MMP16: variants seen among roughly 807,000 people sequenced by gnomAD.
MMP16 encodes the protein matrix metalloproteinase-16.
MMP16 carries 12 observed loss-of-function variants against 67.8 expected under a neutral mutation model. That is an observed-to-expected ratio of 0.18 (90% CI 0.11 to 0.29). The LOEUF (loss-of-function observed/expected upper bound fraction) is 0.29. MMP16 is among the 10% of genes least tolerant of loss of function. MMP16 has a pLI of 1.00. For synonymous variants in MMP16, 249 were observed against 255.9 expected, an observed-to-expected ratio of 0.97 and a Z score of 0.26; for missense variants, 475 against 765.7, an observed-to-expected ratio of 0.62 and a Z score of 4.48.
At chr8:88,088,141 A>G (rs559616016) in intron 6 of MMP16, among the ~76,000 whole-genome samples, 3 of 149,692 alleles carry the variant, frequency 2.0e-5, no homozygotes, top group Non-Finnish European at 4.4e-5. Context: ...GCGATCATGT[A>G]CTAGACCCCA....
intron 6 of MMP16, among the ~76,000 whole-genome samples, chr8:88,095,373 A>T (rs936179136): frequency 6.6e-6 from 1 of 151,634 alleles, no homozygotes; most frequent in Non-Finnish European, 1.5e-5. Flanking sequence ...TTTGACTCCG[A>T]TCTCTGACTT....
At chr8:88,292,892 G>A (rs1810948932) in intron 1 of MMP16, among the ~76,000 whole-genome samples, 1 of 152,072 alleles carries the variant, frequency 6.6e-6, no homozygotes, top group Non-Finnish European at 1.5e-5. Context: ...AGTGACAATA[G>A]TTTCAATGCC....
intron 6 of MMP16, among the ~76,000 whole-genome samples, chr8:88,109,391 C>T (rs1043483640): frequency 2.6e-5 from 4 of 150,976 alleles, no homozygotes; most frequent in Non-Finnish European, 5.9e-5. Flanking sequence ...CTTGTAAGAC[C>T]GTCTTGTGAA....
intron 1 of MMP16, among the ~76,000 whole-genome samples, chr8:88,256,520 T>G (rs1810302672): frequency 2.0e-5 from 3 of 152,138 alleles, no homozygotes; most frequent in African/African-American, 2.4e-5. Flanking sequence ...GCCCAAGACA[T>G]TCAGAATTCA....
rs536268875 is a variant in MMP16, at chr8:88,052,745, G to A, written c.1373+3383C>T. ...AATCCAACTTCTTTCCTACATTATTGCCTTTGCATGACTATAGCATCCACC... is the reference window on the plus strand; with the variant it reads ...AATCCAACTTCTTTCCTACATTATTACCTTTGCATGACTATAGCATCCACC... On this transcript the variant is annotated intron_variant, in intron 8 of 9. Transcript: ENST00000286614. Among the ~76,000 whole-genome samples the A allele has an allele frequency of 4.6e-5, 7 of 152,212 alleles. No individual in the cohort carries two copies. The East Asian group carries it at 1.4e-3, about 29-fold the overall frequency.
intron 4 of MMP16, among the ~76,000 whole-genome samples, chr8:88,162,428 C>G (rs1808642747): frequency 6.6e-6 from 1 of 152,008 alleles, no homozygotes; most frequent in East Asian, 1.9e-4. Context: ...GTTTTAAAAC[C>G]TGATAAGAAA....
In MMP16 at chr8:88,037,321, A is replaced by G. The variant is rs540377584; in HGVS notation, c.*4140T>C. ...TGAAATGGCCAAATTATGTGTTAACAAAAAAAGATTATAGGTAATTATTAA... is the reference window on the plus strand; with the variant it reads ...TGAAATGGCCAAATTATGTGTTAACGAAAAAAGATTATAGGTAATTATTAA... On this transcript the variant is annotated 3_prime_UTR_variant, in exon 10 of 10. Transcript: ENST00000286614. 2 of 151,798 alleles carry G rather than the reference A, an allele frequency of 1.3e-5. No individual in the cohort carries two copies. The highest frequency in any genetic ancestry group is 2.9e-5 in the Non-Finnish European group (2 of 67,798). The allele number at this position is 151,798 out of a possible 1,614,324, so 9.4% of individuals were successfully genotyped here.
intron 4 of MMP16, among the ~76,000 whole-genome samples, chr8:88,125,294 T>C (rs1001702355): frequency 5.3e-5 from 8 of 151,856 alleles, no homozygotes; most frequent in Non-Finnish European, 8.8e-5. Flanking sequence ...TTTCAAAATA[T>C]TTATTCAGCA....
chr8:88,317,999 T>C lies in MMP16; in HGVS notation c.132+9076A>G, dbSNP rs140580578. Reference sequence around the variant, plus strand: ...TATTTTAAAAACAATAAAATAAATATATTTCCTTTTAGCTTCTACTCAATA... The same window carrying C: ...TATTTTAAAAACAATAAAATAAATACATTTCCTTTTAGCTTCTACTCAATA... On this transcript the variant is annotated intron_variant, in intron 1 of 9. Coordinates refer to ENST00000286614, the MANE Select transcript of MMP16 (RefSeq NM_005941.5). 5.7e-3 allele frequency among the ~76,000 whole-genome samples: 870 copies of C among 152,254 alleles called. 6 individuals are homozygous for C. Among genetic ancestry groups the C allele is most frequent in the Middle Eastern group, 0.01 (3 of 294 alleles).
rs748544150 is a variant in MMP16, at chr8:88,167,836, T to C, written c.542A>G (p.Asp181Gly). Reference protein sequence around the residue: ...PYSELENGKRDVDITIIFASG... With the variant: ...PYSELENGKRGVDITIIFASG... The stretch of plus-strand genomic sequence containing the variant: ...TGCAAAAATAATGGTTATATCCACA[T>C]CACGTTTGCCATTTTCTAATTCACT... The change falls in exon 4 of 10, where the codon GAT (aspartate) becomes GGT (glycine). Residue 181 changes from aspartate to glycine, a missense_variant. Coordinates refer to ENST00000286614, the MANE Select transcript of MMP16 (RefSeq NM_005941.5). The C allele has an allele frequency of 3.0e-5, 48 of 1,613,866 alleles. No individual in the cohort carries two copies. Among genetic ancestry groups the C allele is most frequent in the Non-Finnish European group, 4.0e-5 (47 of 1,179,960 alleles).
chr8:88,201,144 C>CAAAAAAA (rs71277984), intron 1 of MMP16, among the ~76,000 whole-genome samples: 1 of 109,410 alleles, frequency 9.1e-6, no homozygotes, highest in Non-Finnish European at 1.9e-5. Flanking sequence ...TTTCCCCCCC[C>CAAAAAAA]AAAAAAAAAA....
In MMP16 at chr8:88,058,720, T is replaced by C. The variant is rs997219389; in HGVS notation, c.1223-2442A>G. On this transcript the variant is annotated intron_variant, in intron 7 of 9. Transcript: ENST00000286614. The surrounding 1 kb of genome is among the most constrained non-coding windows in gnomAD (Gnocchi z 4.2). ...AAATGCCATAATGGGAAGAAGCTTA[T>C]TGTGCAGCTAGAATAGAGTGTGATA... 6.6e-6 allele frequency among the ~76,000 whole-genome samples: 1 copy of C among 152,074 alleles called. No homozygotes were observed. Among genetic ancestry groups the C allele is most frequent in the Non-Finnish European group, 1.5e-5 (1 of 67,982 alleles).
rs116184623 is a variant in MMP16, at chr8:88,167,507, C to T, written c.709+162G>A. On this transcript the variant is annotated intron_variant, in intron 4 of 9. Transcript: ENST00000286614. The stretch of plus-strand genomic sequence containing the variant: ...TAACTATATTATCTAATGACCCACA[C>T]AAATTCTTATCCTAAAATGCTATAA... Among the ~76,000 whole-genome samples, 916 of 152,252 alleles carry T rather than the reference C, an allele frequency of 6.0e-3. 3 individuals are homozygous for T. The highest frequency in any genetic ancestry group is 0.021 in the African/African-American group (869 of 41,556).
chr8:88,119,027 A>G (rs1809484514), intron 4 of MMP16, among the ~76,000 whole-genome samples, 166 bp from the exon 5 acceptor site: 1 of 152,062 alleles, frequency 6.6e-6, no homozygotes, highest in African/African-American at 2.4e-5. Flanking sequence ...CAAAAATCCA[A>G]TAACCTTTTT....
chr8:88,060,109 T>C (rs748296485), intron 7 of MMP16, among the ~76,000 whole-genome samples: 4 of 152,094 alleles, frequency 2.6e-5, no homozygotes, highest in Non-Finnish European at 4.4e-5. Flanking sequence ...AAGTTCCCCA[T>C]AAGCTCAATT....
intron 1 of MMP16, among the ~76,000 whole-genome samples, chr8:88,258,154 G>C (rs1810333469): frequency 6.6e-6 from 1 of 151,608 alleles, no homozygotes; most frequent in Non-Finnish European, 1.5e-5. Flanking sequence ...CACGTCAAAT[G>C]ACTCTTCTTT....
intron 1 of MMP16, among the ~76,000 whole-genome samples, chr8:88,250,275 C>G (rs1810188705): frequency 1.3e-5 from 2 of 151,984 alleles, no homozygotes. Flanking sequence ...CCTAAAAACT[C>G]CATATAAAGA....
chr8:88,175,849 C>G (rs140559537), intron 3 of MMP16, among the ~76,000 whole-genome samples: 21 of 152,160 alleles, frequency 1.4e-4, no homozygotes, highest in African/African-American at 4.8e-4. Flanking sequence ...ATATGTCTCA[C>G]GAGATCAGAT....
chr8:88,107,192 A>G (rs2616517), intron 6 of MMP16, among the ~76,000 whole-genome samples: 51,763 of 150,852 alleles, frequency 0.34, 10,793 homozygotes, highest in East Asian at 0.46. Flanking sequence ...TTTAAAATCC[A>G]GTAGTACAGT....
Sources: allele counts gnomAD v4.1 joint callset (sites outside exome capture counted in the v4.1 genomes callset), GRCh38; gene constraint gnomAD v4.1.1; non-coding constraint Gnocchi (gnomAD v3.1); transcripts MANE v1.5; gene names NCBI Gene and HGNC (gene_info 2026-07-23, HGNC 2026-07-21).